ABR: variants seen among roughly 807,000 people sequenced by gnomAD.
ABR encodes active breakpoint cluster region-related protein.
A neutral mutation model predicts 107.2 loss-of-function variants in ABR; 35 were observed. The ratio of observed to expected loss-of-function variants is 0.33; its 90% confidence interval spans 0.25 to 0.43. The LOEUF is 0.43. ABR is among the 20% of genes least tolerant of loss of function. The pLI is 1.00. For missense variants in ABR, 815 were observed against 1,115.2 expected (o/e 0.73, Z 3.83); for synonymous variants, 498 against 462.0 (o/e 1.08, Z -1.00).
In ABR at chr17:1,102,122, G is replaced by A. The variant is rs374802047; in HGVS notation, c.247-1387C>T. Among the ~76,000 whole-genome samples, 9 of 152,248 alleles carry A rather than the reference G, an allele frequency of 5.9e-5. No individual in the cohort carries two copies. In the East Asian group the frequency reaches 9.6e-4, roughly 16 times the overall value. On this transcript the variant is annotated intron_variant, in intron 2 of 22. Transcript: ENST00000302538. ...CTTTATGAGCCACCTGCAGTGGCCC[G>A]GATGCCCGTCCCTACCCTTCCAGTC...
intron 3 of ABR, among the ~76,000 whole-genome samples, chr17:1,097,375 G>C (rs1472247032): frequency 1.3e-5 from 2 of 152,226 alleles, no homozygotes; most frequent in East Asian, 3.9e-4. Flanking sequence ...CGGATCACTT[G>C]AGGTCAGGAG....
At chr17:1,162,667 C>T (rs2041350190) in intron 1 of ABR, among the ~76,000 whole-genome samples, 1 of 150,898 alleles carries the variant, frequency 6.6e-6, no homozygotes, top group African/African-American at 2.5e-5. Flanking sequence ...TGGCTCACAC[C>T]TCTCATCCCA....
rs954183621 is a variant in ABR, at chr17:1,070,391, C to G, written c.895-301G>C. Among the ~76,000 whole-genome samples the G allele has an allele frequency of 1.1e-4, 16 of 152,188 alleles. No individual in the cohort carries two copies. Among genetic ancestry groups the G allele is most frequent in the Non-Finnish European group, 2.2e-4 (15 of 68,026 alleles). On this transcript the variant is annotated intron_variant, in intron 8 of 22. Transcript: ENST00000302538. The surrounding 1 kb of genome is among the most constrained non-coding windows in gnomAD (Gnocchi z 4.2). ...CATAAGGTGACTCATCGAGATGGTG[C>G]ATGTGAAACAGCACAGTGCCTGGCA... is the stretch of plus-strand genomic sequence containing the variant.
chr17:1,031,880 C>T (rs2072823390), intron 16 of ABR: 1 of 1,068,826 alleles, frequency 9.4e-7, no homozygotes, highest in Non-Finnish European at 1.2e-6. Context: ...CCGCGCTCCC[C>T]TCCCTCCCTC....
chr17:1,068,840 T>C (rs1416436032), intron 9 of ABR, among the ~76,000 whole-genome samples: 1 of 152,196 alleles, frequency 6.6e-6, no homozygotes, highest in Non-Finnish European at 1.5e-5. Flanking sequence ...CCAAGACTCC[T>C]CTCTCATCTA....
At chr17:1,116,903 C>G (rs1329678862) in intron 2 of ABR, among the ~76,000 whole-genome samples, 1 of 152,170 alleles carries the variant, frequency 6.6e-6, no homozygotes, top group Non-Finnish European at 1.5e-5. Flanking sequence ...GGGGCGGAGG[C>G]TGAAACTCGA....
chr17:1,013,209 C>T (rs774269769), intron 16 of ABR, 45 bp from the exon 17 acceptor site: 7 of 1,584,102 alleles, frequency 4.4e-6, no homozygotes, highest in South Asian at 3.3e-5. Context: ...GCTCGGAGGC[C>T]AAGCCAGAGA....
chr17:1,179,560 G>T lies in ABR; in HGVS notation c.61+107C>A, dbSNP rs1355092063. 3 of 1,221,740 alleles carry T rather than the reference G, an allele frequency of 2.5e-6. No homozygotes were observed. In the East Asian group the frequency reaches 9.5e-5, roughly 39 times the overall value. 75.7% of individuals were successfully genotyped at this position (1,221,740 alleles called of 1,614,324 possible). A position where few individuals can be genotyped will look rare whatever the true frequency, so the allele number is the denominator to read the frequency against. On this transcript the variant is annotated intron_variant, in intron 1 of 22. Coordinates refer to ENST00000302538, the MANE Select transcript of ABR (RefSeq NM_021962.5). The surrounding 1 kb of genome is among the most constrained non-coding windows in gnomAD (Gnocchi z 4.9). ...GCTCCCCGGACCAGCCCGGTGCCTG[G>T]GTCCCGATCCCGATCTTGGGGTCCC...
At chr17:1,117,667 T>C (rs2151423974) in intron 2 of ABR, among the ~76,000 whole-genome samples, 1 of 60,954 alleles carries the variant, frequency 1.6e-5, no homozygotes, top group African/African-American at 7.2e-5. Flanking sequence ...GAGCCCGAGT[T>C]CCTCCCAGCG....
At chr17:1,012,307 G>A (rs1365093250) in intron 18 of ABR, 1 of 639,594 alleles carries the variant, frequency 1.6e-6, no homozygotes, top group Non-Finnish European at 2.9e-6. Flanking sequence ...ATGAGGAGGT[G>A]GGTCAGGCCT....
intron 1 of ABR, among the ~76,000 whole-genome samples, chr17:1,147,231 C>A (rs897424388): frequency 1.3e-5 from 2 of 152,244 alleles, no homozygotes; most frequent in South Asian, 4.1e-4. Context: ...ATGGTGCAGT[C>A]TCCATCAGGC....
Position 1,192,636 on chromosome 17 carries a change from G to A in ABR, c.838+36157C>T, listed in dbSNP as rs538450510. Among the ~76,000 whole-genome samples the A allele has an allele frequency of 5.9e-5, 9 of 151,820 alleles. 1 individual carries two copies. In the South Asian group the frequency reaches 1.7e-3, roughly 28 times the overall value. On this transcript the variant is annotated intron_variant, in intron 1 of 22. Transcript: ENST00000574139. Reference sequence around the variant, plus strand: ...TGCTAAAAATACAAAAAATTAGCTGGGCATGGTGGAAGGCACCTGTAATTC... The same window carrying A: ...TGCTAAAAATACAAAAAATTAGCTGAGCATGGTGGAAGGCACCTGTAATTC...
intron 1 of ABR, among the ~76,000 whole-genome samples, chr17:1,131,129 T>TC (rs200285538): frequency 1.3e-5 from 1 of 74,574 alleles, no homozygotes; most frequent in Non-Finnish European, 2.6e-5. Context: ...CGCGCACAGC[T>TC]CCCCCCTCTT....
chr17:1,039,770 C>T (rs1308449873), intron 16 of ABR, among the ~76,000 whole-genome samples: 2 of 152,070 alleles, frequency 1.3e-5, no homozygotes, highest in African/African-American at 4.8e-5. Flanking sequence ...CCCACGTGGG[C>T]CAGCTGTGAG....
Position 1,160,724 on chromosome 17 carries a change from G to A in ABR, c.61+18943C>T, listed in dbSNP as rs139684316. Among the ~76,000 whole-genome samples, 86 of 152,346 alleles carry A rather than the reference G, an allele frequency of 5.6e-4. 1 individual carries two copies. The East Asian group carries it at 0.016, about 28-fold the overall frequency. ...AGATGACTCAGCCAGGGCCACCCCC[G>A]AGGAGCTCACATTCAGGTTAATGGA... is the stretch of plus-strand genomic sequence containing the variant. On this transcript the variant is annotated intron_variant, in intron 1 of 22. Transcript: ENST00000302538.
In ABR at chr17:1,192,737, A is replaced by AC. The variant is rs1475371302; in HGVS notation, c.838+36055dup. 3.3e-5 allele frequency among the ~76,000 whole-genome samples: 5 copies of AC among 152,250 alleles called. No individual in the cohort carries two copies. The East Asian group carries it at 5.8e-4, about 18-fold the overall frequency. ...AGACCAGCCTGGCCAACATGGTGAA[A>AC]CCCCGTCTCTACTAAAAATACAAAA... On this transcript the variant is annotated intron_variant, in intron 1 of 22. Coordinates refer to the ABR transcript ENST00000574139.
Position 1,067,159 on chromosome 17 carries a change from G to C in ABR, c.1100C>G (p.Pro367Arg), listed in dbSNP as rs770142607. The change falls in exon 10 of 23, where the codon CCC becomes CGC. Residue 367 changes from proline (P) to arginine (R), a missense_variant. By Grantham distance (103) the Pro-to-Arg change is moderately radical. Around this residue, in one of 5 missense-constraint regions of ABR, gnomAD observed 385 missense variants for 596.9 expected, o/e 0.64. Coordinates refer to ENST00000302538, the MANE Select transcript of ABR (RefSeq NM_021962.5). ...ATGGTCTGGGAAGGGGTGCACCTGG[G>C]GGCTGGCCTCAGACTCCTCGGGGGA... Reference protein sequence around the residue: ...FPSPEESEASPQVHPFPDHEL... With the variant: ...FPSPEESEASRQVHPFPDHEL... The C allele has an allele frequency of 6.2e-7, 1 of 1,613,804 alleles. No homozygotes were observed. The highest frequency in any genetic ancestry group is 1.1e-5 in the South Asian group (1 of 91,058).
chr17:1,145,273 T>C (rs1422878572), intron 1 of ABR, among the ~76,000 whole-genome samples: 1 of 152,118 alleles, frequency 6.6e-6, no homozygotes, highest in Non-Finnish European at 1.5e-5. Context: ...ACCAATTCAA[T>C]TATTTAGGGT....
chr17:1,141,042 G>A (rs572751644), intron 1 of ABR, among the ~76,000 whole-genome samples: 17 of 152,294 alleles, frequency 1.1e-4, no homozygotes, highest in Middle Eastern at 6.8e-3. Context: ...ATAACATGAT[G>A]TAGGTTAAAG....
Sources: allele counts gnomAD v4.1 joint callset (sites outside exome capture counted in the v4.1 genomes callset), GRCh38; gene constraint gnomAD v4.1.1; regional missense constraint gnomAD v4.1.1; non-coding constraint Gnocchi (gnomAD v3.1); transcripts MANE v1.5; gene names NCBI Gene and HGNC (gene_info 2026-07-23, HGNC 2026-07-21).